Variants in CEP290 observed in about 807,000 individuals in gnomAD.
CEP290 encodes the protein centrosomal protein 290, also known as centrosomal protein of 290 kDa.
Under a neutral mutation model 344.9 loss-of-function variants are expected in CEP290, and 317 were observed. The observed-to-expected ratio is 0.92, with a 90% confidence interval of 0.84 to 1.01. CEP290 has a LOEUF of 1.01. Among genes scored for constraint, CEP290 ranks in the 50% least tolerant of loss-of-function variants. The probability of loss-of-function intolerance (pLI) is 0.00; values close to 1 mark genes in which losing one functional copy is unlikely to be tolerated. For missense variants in CEP290, 2,754 were observed against 2,761.4 expected, an observed-to-expected ratio of 1.00 and a Z score of 0.06; for synonymous variants, 932 against 895.8, an observed-to-expected ratio of 1.04 and a Z score of -0.72.
intron 49 of CEP290, 137 bp downstream of exon 49, chr12:88,058,711 A>T: frequency 1.2e-6 from 1 of 835,394 alleles, no homozygotes; most frequent in Non-Finnish European, 1.9e-6. Context: ...ACAGAAAAAA[A>T]GTATTATGTT....
At chr12:88,136,057 A>G (rs1420317773) in intron 6 of CEP290, 1 of 152,160 alleles carries the variant, frequency 6.6e-6, no homozygotes, top group Non-Finnish European at 1.5e-5. Flanking sequence ...AGTTTATAAC[A>G]AGGAATAACG....
intron 25 of CEP290, among the ~76,000 whole-genome samples, chr12:88,105,814 C>G (rs2038232449): frequency 1.3e-5 from 2 of 152,036 alleles, no homozygotes; most frequent in Non-Finnish European, 2.9e-5. Flanking sequence ...ATGATCACAG[C>G]TCACTGCAGC....
chr12:88,108,322 T>G (rs1189108628), intron 23 of CEP290, among the ~76,000 whole-genome samples: 1 of 152,118 alleles, frequency 6.6e-6, no homozygotes, highest in Non-Finnish European at 1.5e-5. Flanking sequence ...GAAAAAAATG[T>G]TTATTTAAAA....
At chr12:88,138,446 C>T (rs992508838) in intron 5 of CEP290, among the ~76,000 whole-genome samples, 3 of 152,136 alleles carry the variant, frequency 2.0e-5, no homozygotes, top group African/African-American at 4.8e-5. Context: ...AGAGAGTTAA[C>T]GAGTAGAAGA....
intron 45 of CEP290, among the ~76,000 whole-genome samples, chr12:88,063,075 C>A (rs1402268105): frequency 6.7e-6 from 1 of 148,830 alleles, no homozygotes; most frequent in Non-Finnish European, 1.5e-5. Flanking sequence ...CAAATATACA[C>A]AGCAAAAGGC....
intron 6 of CEP290, among the ~76,000 whole-genome samples, chr12:88,135,491 CAT>C (rs921123846): frequency 1.2e-4 from 19 of 152,222 alleles, no homozygotes; most frequent in Admixed American, 2.0e-4. Flanking sequence ...AAAAAATCCA[CAT>C]GTCTGCTATG....
intron 30 of CEP290, 74 bp from the exon 31 acceptor site, chr12:88,089,561 T>G (rs2036860174): frequency 8.6e-7 from 1 of 1,159,820 alleles, no homozygotes; most frequent in Non-Finnish European, 1.1e-6. Context: ...GATTTAAAAT[T>G]CACAATTTAC....
At chr12:88,106,451 GGTTA>G (rs1419920182) in intron 25 of CEP290, among the ~76,000 whole-genome samples, 5 of 152,024 alleles carry the variant, frequency 3.3e-5, no homozygotes, top group Admixed American at 6.6e-5. Context: ...AAGTTACTAT[GGTTA>G]GTTAAAGAAA....
At chr12:88,098,456 CA>C (rs2037622666) in intron 26 of CEP290, among the ~76,000 whole-genome samples, 2 of 151,546 alleles carry the variant, frequency 1.3e-5, no homozygotes, top group Non-Finnish European at 2.9e-5. Flanking sequence ...CAAAAAAACA[CA>C]AAAAATTAGC....
At chr12:88,076,596 T>C (rs2035792580) in intron 41 of CEP290, among the ~76,000 whole-genome samples, 1 of 130,502 alleles carries the variant, frequency 7.7e-6, no homozygotes, top group Non-Finnish European at 1.6e-5. Flanking sequence ...TACACGCATT[T>C]TAGCCAATTT....
Position 88,102,935 on chromosome 12 carries a change from G to A in CEP290, c.2894C>T (p.Ala965Val). 2.5e-6 allele frequency: 4 copies of A among 1,603,962 alleles called. No individual in the cohort carries two copies. Among genetic ancestry groups the A allele is most frequent in the Non-Finnish European group, 3.4e-6 (4 of 1,176,366 alleles). Reference protein sequence around the residue: ...NSVSLSELELANKQYNELTAK... With the variant: ...NSVSLSELELVNKQYNELTAK... ...AGTCAGTTCATTGTACTGTTTATTA[G>A]CCAGTTCTAGTTCAGACAAAGAAAC... The change falls in exon 26 of 54, where the codon GCT (alanine) becomes GTT (valine). Residue 965 changes from alanine (A) to valine (V), a missense_variant. Transcript: ENST00000552810.
Position 88,139,476 on chromosome 12 carries a change from C to T in CEP290, c.250+19G>A. 6.3e-7 allele frequency: 1 copy of T among 1,585,574 alleles called. No individual in the cohort carries two copies. Among genetic ancestry groups the T allele is most frequent in the Non-Finnish European group, 8.6e-7 (1 of 1,165,338 alleles). On this transcript the variant is annotated intron_variant, in intron 4 of 53. Coordinates refer to ENST00000552810, the MANE Select transcript of CEP290 (RefSeq NM_025114.4). ...ATTCATTATTTAATACCATAATAAACTTTTTCCAAGGTGCTTACCAAATTT... is the reference window on the plus strand; with the variant it reads ...ATTCATTATTTAATACCATAATAAATTTTTTCCAAGGTGCTTACCAAATTT...
Position 88,071,480 on chromosome 12 carries a change from T to C in CEP290, c.5856-31A>G, listed in dbSNP as rs112641606. 9.7e-5 allele frequency: 151 copies of C among 1,558,138 alleles called. 1 individual carries two copies. The African/African-American group carries it at 1.1e-3, about 12-fold the overall frequency. On this transcript the variant is annotated intron_variant, in intron 42 of 53. Transcript: ENST00000552810. ...GAATTTAATATAGAATCATGAAATA[T>C]ACCATTCAGTGTTTGGCTTTTCAAT...
At chr12:88,098,807 A>G (rs984983742) in intron 26 of CEP290, among the ~76,000 whole-genome samples, 2 of 152,138 alleles carry the variant, frequency 1.3e-5, no homozygotes, top group Non-Finnish European at 2.9e-5. Flanking sequence ...TTGGAATACT[A>G]TAAGATCTGA....
At chr12:88,116,527 T>C (rs2039045717) in intron 18 of CEP290, among the ~76,000 whole-genome samples, 1 of 152,186 alleles carries the variant, frequency 6.6e-6, no homozygotes, top group South Asian at 2.1e-4. Flanking sequence ...TTATCTGAAC[T>C]CCTAATCTGT....
intron 13 of CEP290, among the ~76,000 whole-genome samples, chr12:88,123,175 T>C (rs1302681788): frequency 6.6e-6 from 1 of 152,070 alleles, no homozygotes; most frequent in Non-Finnish European, 1.5e-5. Flanking sequence ...GTTCCAGAAG[T>C]TCTCTCTCTC....
intron 43 of CEP290, among the ~76,000 whole-genome samples, chr12:88,069,753 T>A (rs2035223379): frequency 6.6e-6 from 1 of 152,174 alleles, no homozygotes; most frequent in African/African-American, 2.4e-5. Context: ...AAACAGACAT[T>A]AACACAGACT....
chr12:88,136,499 G>A, intron 6 of CEP290, 144 bp downstream of exon 6: 1 of 754,116 alleles, frequency 1.3e-6, no homozygotes, highest in Non-Finnish European at 2.2e-6. Context: ...ATGACAAAAT[G>A]AACAGTGATA....
At chr12:88,108,607 T>C (rs1188920487) in intron 23 of CEP290, among the ~76,000 whole-genome samples, 2 of 152,206 alleles carry the variant, frequency 1.3e-5, no homozygotes, top group African/African-American at 4.8e-5. Flanking sequence ...TAGTTCCCTA[T>C]AAACATATAT....
Sources: allele counts gnomAD v4.1 joint callset (sites outside exome capture counted in the v4.1 genomes callset), GRCh38; gene constraint gnomAD v4.1.1; transcripts MANE v1.5; gene names NCBI Gene and HGNC (gene_info 2026-07-23, HGNC 2026-07-21).